MB21D2: variants seen among roughly 807,000 people sequenced by gnomAD.
MB21D2 encodes Mab-21 domain containing 2.
A neutral mutation model predicts 33.3 loss-of-function variants in MB21D2; 9 were observed. The ratio of observed to expected loss-of-function variants is 0.27; its 90% CI spans 0.16 to 0.47. The LOEUF (loss-of-function observed/expected upper bound fraction) is 0.47, where lower values mean the gene tolerates loss of function less well. Among genes scored for constraint, MB21D2 ranks in the 20% least tolerant of loss-of-function variants. The probability of loss-of-function intolerance (pLI) is 0.99; values close to 1 mark genes in which losing one functional copy is unlikely to be tolerated. For missense variants in MB21D2, 540 were observed against 624.6 expected (o/e 0.86, Z 1.44); for synonymous variants, 241 against 236.3 (o/e 1.02, Z -0.18).
At chr3:192,830,196 T>C (rs886646258) in intron 1 of MB21D2, among the ~76,000 whole-genome samples, 1 of 151,922 alleles carries the variant, frequency 6.6e-6, no homozygotes, top group Non-Finnish European at 1.5e-5. Flanking sequence ...ACATAGAGTT[T>C]TCCTGACTGT....
chr3:192,871,807 G>A (rs901361886), intron 1 of MB21D2, among the ~76,000 whole-genome samples: 8 of 151,998 alleles, frequency 5.3e-5, no homozygotes, highest in African/African-American at 1.9e-4. Context: ...ATGACAGAGG[G>A]GAGTGACATG....
At chr3:192,900,827 C>G (rs2367136) in intron 1 of MB21D2, among the ~76,000 whole-genome samples, 80,649 of 151,760 alleles carry the variant, frequency 0.53, 21,596 homozygotes, top group Admixed American at 0.54. Flanking sequence ...TGTAGTCCCA[C>G]CTACTCGGGA....
intron 1 of MB21D2, among the ~76,000 whole-genome samples, chr3:192,880,904 A>G (rs895642436): frequency 2.3e-4 from 35 of 152,282 alleles, no homozygotes; most frequent in African/African-American, 8.4e-4. Flanking sequence ...CATTTTTCAG[A>G]TTATAGAAAA....
At chr3:192,804,811 A>C (rs1454230355) in intron 1 of MB21D2, among the ~76,000 whole-genome samples, 1 of 152,138 alleles carries the variant, frequency 6.6e-6, no homozygotes, top group Non-Finnish European at 1.5e-5. Context: ...TAAAAATATT[A>C]TGGTTTATGT....
chr3:192,817,648 A>G (rs1711956642), intron 1 of MB21D2, among the ~76,000 whole-genome samples: 4 of 152,170 alleles, frequency 2.6e-5, no homozygotes, highest in African/African-American at 7.2e-5. Flanking sequence ...TTTGTGGTGT[A>G]GTGTCCTTCC....
At chr3:192,813,518 A>G (rs1711837261) in intron 1 of MB21D2, among the ~76,000 whole-genome samples, 1 of 152,142 alleles carries the variant, frequency 6.6e-6, no homozygotes, top group Admixed American at 6.5e-5. Flanking sequence ...TCAAGTCTAA[A>G]TAAACAATAT....
intron 1 of MB21D2, among the ~76,000 whole-genome samples, chr3:192,825,978 G>C (rs968324346): frequency 6.6e-6 from 1 of 152,172 alleles, no homozygotes; most frequent in Non-Finnish European, 1.5e-5. Flanking sequence ...CCTACACAAG[G>C]GGAATGTGGT....
intron 1 of MB21D2, among the ~76,000 whole-genome samples, chr3:192,837,916 A>G (rs997330390): frequency 2.0e-5 from 3 of 152,342 alleles, no homozygotes; most frequent in East Asian, 1.9e-4. Context: ...CTATTTCTAC[A>G]TTAGTTTTCT....
In MB21D2 at chr3:192,854,641, A is replaced by G. The variant is rs1279322251; in HGVS notation, c.212-54991T>C. 2.6e-5 allele frequency among the ~76,000 whole-genome samples: 4 copies of G among 152,236 alleles called. No homozygotes were observed. The East Asian group carries it at 7.7e-4, about 29-fold the overall frequency. ...GAGAAGATGTCAATGCAACTTCCATAGTTTGAGAGAAATTAATGCCTGGCT... is the reference window on the plus strand; with the variant it reads ...GAGAAGATGTCAATGCAACTTCCATGGTTTGAGAGAAATTAATGCCTGGCT... On this transcript the variant is annotated intron_variant, in intron 1 of 1. Transcript: ENST00000392452.
intron 1 of MB21D2, among the ~76,000 whole-genome samples, chr3:192,882,511 T>C (rs1179831640): frequency 6.6e-6 from 1 of 152,172 alleles, no homozygotes; most frequent in Non-Finnish European, 1.5e-5. Flanking sequence ...TTCAATGCCA[T>C]ACTGGTGTAC....
intron 1 of MB21D2, among the ~76,000 whole-genome samples, chr3:192,866,508 A>T (rs905065367): frequency 2.0e-5 from 3 of 152,186 alleles, no homozygotes; most frequent in African/African-American, 7.2e-5. Context: ...TGCTGTTGAG[A>T]TTTCTTTTTA....
At chr3:192,903,054 C>T (rs1039424801) in intron 1 of MB21D2, among the ~76,000 whole-genome samples, 22 of 152,332 alleles carry the variant, frequency 1.4e-4, no homozygotes, top group Middle Eastern at 3.4e-3. Context: ...ATTTAGCATC[C>T]TTCCTCTAAT....
chr3:192,815,902 C>T (rs1052550902), intron 1 of MB21D2, among the ~76,000 whole-genome samples: 11 of 152,226 alleles, frequency 7.2e-5, no homozygotes, highest in Admixed American at 2.6e-4. Context: ...CAGCCGAATC[C>T]TTAAGGACAA....
chr3:192,878,517 T>G (rs181365151), intron 1 of MB21D2, among the ~76,000 whole-genome samples: 3 of 152,190 alleles, frequency 2.0e-5, no homozygotes, highest in Admixed American at 6.5e-5. Context: ...TCATGAAAAA[T>G]TAACTTTTTT....
chr3:192,835,207 C>A (rs1712409580), intron 1 of MB21D2, among the ~76,000 whole-genome samples: 1 of 145,886 alleles, frequency 6.9e-6, no homozygotes, highest in Non-Finnish European at 1.5e-5. Flanking sequence ...GTAATCCCAG[C>A]ACTTTGGGAG....
Position 192,876,452 on chromosome 3 carries a change from A to T in MB21D2, c.211+41178T>A, listed in dbSNP as rs186886452. On this transcript the variant is annotated intron_variant, in intron 1 of 1. Transcript: ENST00000392452. ...TCAGGCTTCCTGGATTACTGCAACA[A>T]TCCTTTCTCCTGGACTATTGCAACA... 2.0e-5 allele frequency among the ~76,000 whole-genome samples: 3 copies of T among 152,322 alleles called. No homozygotes were observed. In the East Asian group the frequency reaches 5.8e-4, roughly 29 times the overall value.
At chr3:192,841,418 T>C (rs567544091) in intron 1 of MB21D2, among the ~76,000 whole-genome samples, 7 of 152,380 alleles carry the variant, frequency 4.6e-5, no homozygotes, top group East Asian at 1.9e-4. Flanking sequence ...ATAAAAGGCA[T>C]TGCAGCTTCA....
At chr3:192,877,598 T>G (rs888480249) in intron 1 of MB21D2, among the ~76,000 whole-genome samples, 3 of 152,198 alleles carry the variant, frequency 2.0e-5, no homozygotes, top group African/African-American at 7.2e-5. Context: ...CCACAAGACC[T>G]CATCTAGAGG....
At chr3:192,915,920 A>G (rs769646901) in intron 1 of MB21D2, among the ~76,000 whole-genome samples, 4 of 152,082 alleles carry the variant, frequency 2.6e-5, no homozygotes, top group Non-Finnish European at 5.9e-5. Flanking sequence ...GGGCTGTATT[A>G]ACACAATGGC....
Sources: allele counts gnomAD v4.1 joint callset (sites outside exome capture counted in the v4.1 genomes callset), GRCh38; gene constraint gnomAD v4.1.1; transcripts MANE v1.5; gene names NCBI Gene and HGNC (gene_info 2026-07-23, HGNC 2026-07-21).